Variants in PLCH1 observed in about 807,000 individuals in gnomAD.
PLCH1 encodes the protein phospholipase C eta 1.
Under a neutral mutation model 126.7 loss-of-function variants are expected in PLCH1, and 60 were observed. That is an observed-to-expected ratio of 0.47 (90% confidence interval 0.38 to 0.59). PLCH1 has a LOEUF of 0.59. Among genes scored for constraint, PLCH1 ranks in the 20% least tolerant of loss-of-function variants. The pLI, the probability that PLCH1 is intolerant of heterozygous loss-of-function variation, is 0.00. For synonymous variants in PLCH1, 719 were observed against 734.9 expected (o/e 0.98, Z 0.35); for missense variants, 1,723 against 2,040.0 (o/e 0.84, Z 2.99).
chr3:155,532,120 G>A (rs1479090494), intron 10 of PLCH1, among the ~76,000 whole-genome samples: 1 of 152,168 alleles, frequency 6.6e-6, no homozygotes, highest in African/African-American at 2.4e-5. Context: ...TTAATCATTT[G>A]TAGTTTTTGA....
At chr3:155,643,582 A>C (rs1265812131) in intron 2 of PLCH1, among the ~76,000 whole-genome samples, 1 of 152,218 alleles carries the variant, frequency 6.6e-6, no homozygotes, top group African/African-American at 2.4e-5. Flanking sequence ...TTAACTTTTC[A>C]GAGTGCCTTG....
In PLCH1 at chr3:155,467,278, A is replaced by C. The variant is rs1406000032; in HGVS notation, c.2938+18078T>G. On this transcript the variant is annotated intron_variant, in intron 21 of 21. Coordinates refer to the PLCH1 transcript ENST00000494598. ...CCAAAAAAAAAAAATAAAAAAGATA[A>C]AGAAAGGATCCTAGACCAGGTGCGG... 2.6e-5 allele frequency among the ~76,000 whole-genome samples: 4 copies of C among 152,174 alleles called. No individual in the cohort carries two copies. The East Asian group carries it at 7.7e-4, about 29-fold the overall frequency.
chr3:155,718,800 G>C (rs1241550064), intron 1 of PLCH1, among the ~76,000 whole-genome samples: 2 of 152,018 alleles, frequency 1.3e-5, no homozygotes, highest in East Asian at 3.9e-4. Context: ...CATTATATTT[G>C]GCAGGAACAT....
intron 10 of PLCH1, among the ~76,000 whole-genome samples, chr3:155,542,143 G>T (rs1724372929): frequency 6.6e-6 from 1 of 152,196 alleles, no homozygotes; most frequent in Non-Finnish European, 1.5e-5. Flanking sequence ...AAAGAAAGGG[G>T]TGACAGACGG....
At chr3:155,733,236 C>A (rs923558030) in intron 1 of PLCH1, among the ~76,000 whole-genome samples, 3 of 152,074 alleles carry the variant, frequency 2.0e-5, no homozygotes, top group African/African-American at 7.2e-5. Flanking sequence ...TCATATGGAA[C>A]CACAAAAGAT....
intron 2 of PLCH1, among the ~76,000 whole-genome samples, chr3:155,657,037 TAAC>T (rs1346725849): frequency 2.2e-5 from 3 of 137,866 alleles, no homozygotes; most frequent in African/African-American, 8.2e-5. Context: ...CATATATGAG[TAAC>T]AACAAGGACA....
chr3:155,723,944 A>T (rs1748131282), intron 1 of PLCH1, among the ~76,000 whole-genome samples: 1 of 125,908 alleles, frequency 7.9e-6, no homozygotes, highest in Non-Finnish European at 1.6e-5. Context: ...ACAGAGCTAA[A>T]CTCCATCTCA....
intron 21 of PLCH1, among the ~76,000 whole-genome samples, chr3:155,486,769 C>T (rs1715264335): frequency 6.6e-6 from 1 of 151,974 alleles, no homozygotes; most frequent in Non-Finnish European, 1.5e-5. Flanking sequence ...CATGATCCAC[C>T]CGCCTCGGCC....
intron 2 of PLCH1, among the ~76,000 whole-genome samples, chr3:155,610,364 G>GAAAAAAAAAAA (rs569174791): frequency 7.6e-5 from 3 of 39,456 alleles, no homozygotes; most frequent in South Asian, 9.6e-4. Flanking sequence ...TGCGTCTGGA[G>GAAAAAAAAAAA]AAAAAAAAAA....
chr3:155,655,752 T>C (rs964988124), intron 2 of PLCH1, among the ~76,000 whole-genome samples: 3 of 151,708 alleles, frequency 2.0e-5, no homozygotes, highest in African/African-American at 7.3e-5. Context: ...GACTTAGGAG[T>C]GGTAGAAAAC....
chr3:155,494,263 A>G lies in PLCH1; in HGVS notation c.2075-15T>C, dbSNP rs768759833. On this transcript the variant is annotated splice_polypyrimidine_tract_variant and intron_variant, in intron 16 of 22. Coordinates refer to ENST00000460012, the MANE Select transcript of PLCH1 (RefSeq NM_014996.4). ...ATTCAGTGCCACTGTGCAAGTTGAA[A>G]GTGGGAGAGAATTAGGCAAGATGGT... is the stretch of plus-strand genomic sequence containing the variant. The G allele has an allele frequency of 6.2e-7, 1 of 1,612,974 alleles. No homozygotes were observed. Among genetic ancestry groups the G allele is most frequent in the South Asian group, 1.1e-5 (1 of 91,058 alleles).
intron 2 of PLCH1, among the ~76,000 whole-genome samples, chr3:155,701,239 C>T (rs529251243): frequency 3.3e-5 from 5 of 152,260 alleles, no homozygotes; most frequent in African/African-American, 1.2e-4. Flanking sequence ...TCTTTGGGTT[C>T]TGGGATTGTG....
At chr3:155,532,711 C>T (rs1722859684) in intron 10 of PLCH1, among the ~76,000 whole-genome samples, 1 of 152,200 alleles carries the variant, frequency 6.6e-6, no homozygotes, top group Admixed American at 6.5e-5. Context: ...TTTCATGAAG[C>T]CTCCTAGCCA....
At chr3:155,740,461 A>G (rs1022760648) in intron 1 of PLCH1, among the ~76,000 whole-genome samples, 1 of 152,094 alleles carries the variant, frequency 6.6e-6, no homozygotes, top group Admixed American at 6.6e-5. Context: ...ATTCTACCCA[A>G]CAATATTAGG....
At position 155,497,397 on chromosome 3, in the gene PLCH1, G is replaced by C. The variant is rs932747219; in HGVS notation, c.1817C>G (p.Thr606Ser). The C allele has an allele frequency of 6.2e-7, 1 of 1,613,764 alleles. No individual in the cohort carries two copies. The highest frequency in any genetic ancestry group is 1.7e-5 in the Admixed American group (1 of 60,022). The change falls in exon 15 of 23, where the codon ACC (threonine) becomes AGC (serine). Residue 606 changes from threonine to serine, a missense_variant. Physicochemically the swap from Thr to Ser is moderately conservative, Grantham distance 58 (BLOSUM62 1). Transcript: ENST00000460012. ...AGAGAGTTCTCGGCAGAGCTTCATG[G>C]TTTTCCTTCGGCGACCCAATCTGTG... Reference protein sequence around the residue: ...QLYRLGRRRKTMKLCRELSDL... With the variant: ...QLYRLGRRRKSMKLCRELSDL...
Position 155,481,081 on chromosome 3 carries a change from A to T in PLCH1, c.4945T>A (p.Cys1649Ser), listed in dbSNP as rs1713936895. The T allele has an allele frequency of 6.2e-7, 1 of 1,614,112 alleles. No individual in the cohort carries two copies. The highest frequency in any genetic ancestry group is 1.7e-5 in the Admixed American group (1 of 60,016). Residue 1649 changes from cysteine (C) to serine (S), a missense_variant, in exon 23 of 23, where the codon TGC becomes AGC. Physicochemically the swap from Cys to Ser is moderately radical, Grantham distance 112. Around this residue, in one of 2 missense-constraint regions of PLCH1, gnomAD observed 947 missense variants for 977.1 expected, o/e 0.97. Coordinates refer to ENST00000460012, the MANE Select transcript of PLCH1 (RefSeq NM_014996.4). The surrounding 1 kb of genome is among the most constrained non-coding windows in gnomAD (Gnocchi z 4.2). ...ACGTGGCCATAGTGAAGAGCCGTGC[A>T]TGCCCCCTCTGGGATGCCCCGGCCT... ...LEGRGIPEGA[C>S]TALHYGHVDQ...
chr3:155,627,485 T>C (rs2108797859), intron 2 of PLCH1, among the ~76,000 whole-genome samples: 1 of 141,338 alleles, frequency 7.1e-6, no homozygotes, highest in Non-Finnish European at 1.5e-5. Flanking sequence ...AAAAAAAAAA[T>C]TAGCCCGGCG....
intron 21 of PLCH1, among the ~76,000 whole-genome samples, chr3:155,455,211 G>T (rs994271537): frequency 2.0e-5 from 3 of 152,128 alleles, no homozygotes; most frequent in Non-Finnish European, 4.4e-5. Flanking sequence ...TGGTGAGAAG[G>T]AGCCGACCCT....
At chr3:155,626,062 T>G (rs1035652064) in intron 2 of PLCH1, among the ~76,000 whole-genome samples, 2 of 152,206 alleles carry the variant, frequency 1.3e-5, no homozygotes, top group Admixed American at 6.5e-5. Flanking sequence ...AAGGATGAGT[T>G]CATGTTGTTT....
Sources: gnomAD v4.1 joint callset for allele counts (sites outside exome capture counted in the v4.1 genomes callset) on GRCh38, gnomAD v4.1.1 for gene constraint, gnomAD v4.1.1 regional missense constraint, Gnocchi (gnomAD v3.1) non-coding constraint, MANE v1.5 for transcripts, NCBI Gene and HGNC (gene_info 2026-07-23, HGNC 2026-07-21) for gene names.